Variants in MX1 observed in about 807,000 individuals in gnomAD.
The protein encoded by MX1 is MX dynamin like GTPase 1.
Under a neutral mutation model 66.4 loss-of-function variants are expected in MX1, and 66 were observed. The ratio of observed to expected loss-of-function variants is 0.99; its 90% confidence interval spans 0.82 to 1.22. The LOEUF is 1.22. Ranked by LOEUF, MX1 falls within the 50% of genes most tolerant of loss-of-function variation. The pLI is 0.00. For missense variants in MX1, 787 were observed against 834.3 expected (o/e 0.94, Z 0.70); for synonymous variants, 311 against 318.1 (o/e 0.98, Z 0.24).
At chr21:41,449,367 A>G in intron 14 of MX1, 72 bp downstream of exon 14, 1 of 1,507,242 alleles carries the variant, frequency 6.6e-7, no homozygotes, top group Admixed American at 2.1e-5. Context: ...GCCAGCACCA[A>G]ACTTCAGCAC....
intron 7 of MX1, 27 bp from the exon 8 acceptor site, chr21:41,439,667 G>A: frequency 1.9e-6 from 3 of 1,610,038 alleles, no homozygotes; most frequent in East Asian, 2.2e-5. Flanking sequence ...CTCTGTTTGG[G>A]TTTGATTTTC....
chr21:41,442,026 C>CGTGTGT, intron 10 of MX1, 112 bp downstream of exon 10: 4 of 339,116 alleles, frequency 1.2e-5, no homozygotes, highest in Non-Finnish European at 1.6e-5. Flanking sequence ...TGTGTGTGTG[C>CGTGTGT]GTGTGTGTGT....
chr21:41,421,852 C>T (rs1449454571), upstream of MX1: 3 of 143,924 alleles, frequency 2.1e-5, no homozygotes, highest in Admixed American at 7.2e-5. Context: ...CTAAGTCCAC[C>T]TGGGCCTGGA....
intron 10 of MX1, 33 bp from the exon 11 acceptor site, chr21:41,443,755 C>T (rs1489193530): frequency 1.9e-6 from 3 of 1,607,280 alleles, no homozygotes; most frequent in Non-Finnish European, 2.6e-6. Flanking sequence ...CTGGCTACAT[C>T]AAGGTGGAAA....
At chr21:41,450,743 C>G (rs2090799778) in intron 14 of MX1, among the ~76,000 whole-genome samples, 1 of 151,752 alleles carries the variant, frequency 6.6e-6, no homozygotes, top group Non-Finnish European at 1.5e-5. Context: ...AAATGAGTTT[C>G]AAAAATAAAA....
At chr21:41,445,803 ATCACCCAGATCCC>A in intron 12 of MX1, 184 bp from the exon 13 acceptor site, 1 of 825,648 alleles carries the variant, frequency 1.2e-6, no homozygotes, top group East Asian at 2.7e-5. Context: ...TGTCACGAGC[ATCACCCAGATCCC>A]TAAGGCAGTA....
upstream of MX1, chr21:41,421,448 T>TTTCCC (rs1487976339): frequency 6.5e-6 from 1 of 154,932 alleles, no homozygotes; most frequent in Admixed American, 6.5e-5. Flanking sequence ...CGGTCAGGTC[T>TTTCCC]TTCCCTTCCC....
Position 41,449,183 on chromosome 21 carries a change from T to C in MX1, c.1320T>C (p.Tyr440=). 1 of 1,613,668 alleles carries C rather than the reference T, an allele frequency of 6.2e-7. No individual in the cohort carries two copies. Among genetic ancestry groups the C allele is most frequent in the Non-Finnish European group, 8.5e-7 (1 of 1,179,912 alleles). Reference sequence around the variant, plus strand: ...AAATCCAGAAATTTGAAAATCAGTATCGTGGTAGAGAGCTGCCAGGCTTTG... The same window carrying C: ...AAATCCAGAAATTTGAAAATCAGTACCGTGGTAGAGAGCTGCCAGGCTTTG... ...SRKIQKFENQ[Y]RGRELPGFVN... is the part of the protein sequence containing the mutation. Residue 440 remains tyrosine, a synonymous_variant, in exon 14 of 17, where the codon TAT becomes TAC. Transcript: ENST00000398598.
At chr21:41,436,955 A>G in intron 6 of MX1, 60 bp from the exon 7 acceptor site, 12 of 1,590,636 alleles carry the variant, frequency 7.5e-6, no homozygotes, top group Non-Finnish European at 1.0e-5. Context: ...CATGGGCCTA[A>G]GGCGCTATGT....
Position 41,452,818 on chromosome 21 carries a change from A to G in MX1, c.1707A>G (p.Ala569=). 2.5e-6 allele frequency: 4 copies of G among 1,614,212 alleles called. No individual in the cohort carries two copies. The South Asian group carries it at 4.4e-5, about 18-fold the overall frequency. ...WDFGAFQSSS[A]TDSSMEEIFQ... ...TTGGGGCTTTCCAGTCCAGCTCGGCAACAGACTCTTCCATGGAGGAGATCT... is the reference window on the plus strand; with the variant it reads ...TTGGGGCTTTCCAGTCCAGCTCGGCGACAGACTCTTCCATGGAGGAGATCT... Residue 569 remains alanine, a synonymous_variant, in exon 16 of 17, where the codon GCA becomes GCG. Transcript: ENST00000398598.
chr21:41,457,664 C>A (rs754419565), intron 16 of MX1, among the ~76,000 whole-genome samples: 8 of 152,180 alleles, frequency 5.3e-5, no homozygotes, highest in Non-Finnish European at 1.2e-4. Flanking sequence ...CCCCACATCA[C>A]CCTCACTTTT....
Position 41,426,848 on chromosome 21 carries a change from C to CG in MX1, c.-308-358_-308-357insG, listed in dbSNP as rs1203703415. The CG allele has an allele frequency of 5.3e-5, 8 of 152,264 alleles. No homozygotes were observed. The East Asian group carries it at 1.2e-3, about 22-fold the overall frequency. 9.4% of individuals were successfully genotyped at this position (152,264 alleles called of 1,614,324 possible). On this transcript the variant is annotated intron_variant, in intron 1 of 16. Transcript: ENST00000398598. ...GGGAAGACCCCTGCCCGCTGTTCCCCCCCACCGCCCCAGTGGATGCCATGC... is the reference window on the plus strand; with the variant it reads ...GGGAAGACCCCTGCCCGCTGTTCCCCGCCCACCGCCCCAGTGGATGCCATGC...
chr21:41,440,590 G>A (rs1010799799), intron 8 of MX1, among the ~76,000 whole-genome samples: 1 of 152,116 alleles, frequency 6.6e-6, no homozygotes, highest in Non-Finnish European at 1.5e-5. Context: ...GGGGTTTTTT[G>A]GCCACCATTT....
intron 15 of MX1, 115 bp from the exon 16 acceptor site, chr21:41,452,506 C>A: frequency 8.4e-7 from 1 of 1,196,032 alleles, no homozygotes; most frequent in Non-Finnish European, 1.2e-6. Context: ...TTCCAGGAAA[C>A]GTGCTGTTTC....
intron 8 of MX1, among the ~76,000 whole-genome samples, chr21:41,440,323 A>T (rs1357615167): frequency 1.3e-5 from 2 of 151,922 alleles, no homozygotes; most frequent in Non-Finnish European, 2.9e-5. Context: ...ACATAGTGAG[A>T]CCCCCTTCTC....
chr21:41,443,728 A>G (rs555872786), intron 10 of MX1, 60 bp from the exon 11 acceptor site: 1 of 1,534,374 alleles, frequency 6.5e-7, no homozygotes, highest in East Asian at 2.3e-5. Flanking sequence ...AACAGCAAAA[A>G]GGCAGACATG....
Position 41,441,814 on chromosome 21 carries a change from A to G in MX1, c.829A>G (p.Ile277Val). The G allele has an allele frequency of 6.2e-7, 1 of 1,614,130 alleles. No individual in the cohort carries two copies. The highest frequency in any genetic ancestry group is 8.5e-7 in the Non-Finnish European group (1 of 1,180,016). Reference sequence around the variant, plus strand: ...GTTCCACCTGAAGAAGGGTTACATGATTGTCAAGTGCCGGGGCCAGCAGGA... The same window carrying G: ...GTTCCACCTGAAGAAGGGTTACATGGTTGTCAAGTGCCGGGGCCAGCAGGA... The part of the protein sequence containing the change: ...LVFHLKKGYM[I>V]VKCRGQQEIQ... Residue 277 changes from isoleucine to valine, a missense_variant, in exon 10 of 17, where the codon ATT (isoleucine) becomes GTT (valine). Transcript: ENST00000398598. This position sits in a 1 kb window ranked among gnomAD's most constrained non-coding sequence, Gnocchi z 4.0.
chr21:41,424,067 A>G (rs1249110072), upstream of MX1, among the ~76,000 whole-genome samples: 1 of 152,166 alleles, frequency 6.6e-6, no homozygotes, highest in African/African-American at 2.4e-5. Flanking sequence ...CCCAGAGTGA[A>G]GTCTCTGTTC....
chr21:41,448,007 G>T (rs573656714), intron 13 of MX1, among the ~76,000 whole-genome samples: 1 of 152,204 alleles, frequency 6.6e-6, no homozygotes, highest in African/African-American at 2.4e-5. Flanking sequence ...GGGATTACGG[G>T]CGTGAGCCAC....
Sources: gnomAD v4.1 joint callset for allele counts (sites outside exome capture counted in the v4.1 genomes callset) on GRCh38, gnomAD v4.1.1 for gene constraint, Gnocchi (gnomAD v3.1) non-coding constraint, MANE v1.5 for transcripts, NCBI Gene and HGNC (gene_info 2026-07-23, HGNC 2026-07-21) for gene names.